MAST4: variants seen among roughly 807,000 people sequenced by gnomAD.
MAST4 encodes the protein microtubule-associated serine/threonine-protein kinase 4.
A neutral mutation model predicts 162.7 loss-of-function variants in MAST4; 89 were observed. That is an observed-to-expected ratio of 0.55 (90% CI 0.46 to 0.65). The LOEUF is 0.65. MAST4 is among the 30% of genes least tolerant of loss of function. The pLI, the probability that MAST4 is intolerant of heterozygous loss-of-function variation, is 0.00. For synonymous variants in MAST4, 1,479 were observed against 1,361.1 expected (o/e 1.09, Z -1.91); for missense variants, 3,153 against 3,374.0 (o/e 0.93, Z 1.62).
chr5:66,854,909 C>T (rs30731), intron 3 of MAST4, among the ~76,000 whole-genome samples: 33,280 of 151,922 alleles, frequency 0.22, 3,979 homozygotes, highest in East Asian at 0.33. Flanking sequence ...TTTGTACCCG[C>T]CTTGACATTA....
chr5:66,829,029 TACAGGTATG>T, intron 3 of MAST4: 1 of 728,748 alleles, frequency 1.4e-6, no homozygotes, highest in Non-Finnish European at 2.4e-6. Flanking sequence ...AGTTTCTGGT[TACAGGTATG>T]ACACATCACA....
At chr5:66,936,261 T>C (rs1742737727) in intron 4 of MAST4, among the ~76,000 whole-genome samples, 1 of 152,234 alleles carries the variant, frequency 6.6e-6, no homozygotes, top group Admixed American at 6.5e-5. Context: ...GGCTTTTCCA[T>C]GTAATAGTTG....
At chr5:66,662,231 C>T (rs1478617630) in intron 1 of MAST4, 1 of 151,928 alleles carries the variant, frequency 6.6e-6, no homozygotes, top group Non-Finnish European at 1.5e-5. Flanking sequence ...TTAAAAAAAA[C>T]ACACACAACA....
intron 4 of MAST4, among the ~76,000 whole-genome samples, chr5:66,996,382 C>G (rs1234978757): frequency 2.0e-5 from 3 of 151,726 alleles, no homozygotes; most frequent in Admixed American, 6.6e-5. Flanking sequence ...TCATTTTTTT[C>G]TGATTTTAAA....
intron 1 of MAST4, among the ~76,000 whole-genome samples, chr5:66,756,702 T>G (rs1753561435): frequency 6.6e-6 from 1 of 152,218 alleles, no homozygotes; most frequent in Non-Finnish European, 1.5e-5. Context: ...TGGACCGTTT[T>G]GAGAAGCTTT....
intron 1 of MAST4, among the ~76,000 whole-genome samples, chr5:66,750,412 A>T (rs1753063513): frequency 6.6e-6 from 1 of 152,214 alleles, no homozygotes; most frequent in Non-Finnish European, 1.5e-5. Context: ...GGAGTGCCAG[A>T]CAGTGGGCGC....
At chr5:67,158,984 A>T (rs1274375154) in intron 26 of MAST4, among the ~76,000 whole-genome samples, 3 of 152,332 alleles carry the variant, frequency 2.0e-5, no homozygotes, top group African/African-American at 7.2e-5. Context: ...CAGTGAGCCG[A>T]GATCGTGCCA....
At chr5:67,096,970 T>C (rs1055260348) in intron 7 of MAST4, among the ~76,000 whole-genome samples, 3 of 152,190 alleles carry the variant, frequency 2.0e-5, no homozygotes, top group African/African-American at 7.2e-5. Context: ...AAGTCATCCT[T>C]GATTCTTATG....
chr5:66,687,416 C>T (rs1353313520), intron 1 of MAST4, among the ~76,000 whole-genome samples: 1 of 151,658 alleles, frequency 6.6e-6, no homozygotes, highest in East Asian at 1.9e-4. Flanking sequence ...TGATTTCATT[C>T]ATTTTTATGG....
At chr5:66,762,757 A>G (rs1045313451) in intron 2 of MAST4, among the ~76,000 whole-genome samples, 1 of 152,102 alleles carries the variant, frequency 6.6e-6, no homozygotes, top group Non-Finnish European at 1.5e-5. Flanking sequence ...CCACCTTCTC[A>G]TTGTTTTACT....
At chr5:66,867,914 C>T (rs956810439) in intron 3 of MAST4, among the ~76,000 whole-genome samples, 18 of 152,158 alleles carry the variant, frequency 1.2e-4, no homozygotes, top group African/African-American at 4.3e-4. Context: ...AATGACAGTG[C>T]CAGAGTCTGA....
chr5:66,958,872 ATT>A (rs1365658693), intron 4 of MAST4: 1 of 211,884 alleles, frequency 4.7e-6, no homozygotes, highest in Admixed American at 5.1e-5. Context: ...CTGTTGCTTT[ATT>A]TTTTTGCCCC....
chr5:66,846,466 G>C lies in MAST4; in HGVS notation c.643-53485G>C, dbSNP rs546997867. 2.6e-5 allele frequency among the ~76,000 whole-genome samples: 4 copies of C among 152,300 alleles called. No homozygotes were observed. In the East Asian group the frequency reaches 7.7e-4, roughly 29 times the overall value. On this transcript the variant is annotated intron_variant, in intron 3 of 28. Coordinates refer to ENST00000403625, the MANE Select transcript of MAST4 (RefSeq NM_001164664.2). ...AGTTCTTGATATTTTATCCATGAGA[G>C]GCAGGATGAGATAATGTCCATTATA... is the stretch of plus-strand genomic sequence containing the variant.
intron 1 of MAST4, among the ~76,000 whole-genome samples, chr5:66,633,774 T>C (rs1055934113): frequency 3.2e-4 from 48 of 152,216 alleles, no homozygotes; most frequent in Non-Finnish European, 4.3e-4. Context: ...CATCTTCATT[T>C]TTTCGTATAT....
chr5:66,841,447 G>C (rs1245232391), intron 3 of MAST4, among the ~76,000 whole-genome samples: 1 of 152,182 alleles, frequency 6.6e-6, no homozygotes, highest in Non-Finnish European at 1.5e-5. Flanking sequence ...GGCATAGACT[G>C]TGTGGTGTGA....
intron 4 of MAST4, among the ~76,000 whole-genome samples, chr5:66,987,286 C>A (rs923534864): frequency 6.6e-6 from 1 of 152,092 alleles, no homozygotes; most frequent in African/African-American, 2.4e-5. Flanking sequence ...TTTGGTGTAA[C>A]CCTCCTTCAT....
At chr5:66,784,939 C>G (rs1755043511) in intron 2 of MAST4, among the ~76,000 whole-genome samples, 1 of 152,218 alleles carries the variant, frequency 6.6e-6, no homozygotes, top group Admixed American at 6.5e-5. Context: ...GCAGATTGAG[C>G]ATAGCGGCTC....
intron 4 of MAST4, among the ~76,000 whole-genome samples, chr5:67,010,697 G>A (rs760769889): frequency 5.3e-5 from 8 of 152,194 alleles, no homozygotes; most frequent in Non-Finnish European, 8.8e-5. Context: ...TATAAAGGGA[G>A]GGGACCAGGA....
At chr5:66,718,538 A>G (rs1448001213) in intron 1 of MAST4, among the ~76,000 whole-genome samples, 3 of 152,114 alleles carry the variant, frequency 2.0e-5, no homozygotes, top group Admixed American at 2.0e-4. Flanking sequence ...GTCATGTGGT[A>G]TATAGCCTTT....
Sources: allele counts gnomAD v4.1 joint callset (sites outside exome capture counted in the v4.1 genomes callset), GRCh38; gene constraint gnomAD v4.1.1; transcripts MANE v1.5; gene names NCBI Gene and HGNC (gene_info 2026-07-23, HGNC 2026-07-21).